Variants in SOX5 observed in about 807,000 individuals in gnomAD.
SOX5 encodes SRY-box transcription factor 5, also known as transcription factor SOX-5.
A neutral mutation model predicts 92.0 loss-of-function variants in SOX5; 9 were observed. The observed-to-expected ratio is 0.10, with a 90% CI of 0.06 to 0.17. SOX5 has a LOEUF of 0.17. Ranked by LOEUF, SOX5 falls within the 10% of genes least tolerant of loss-of-function variation. SOX5 has a pLI of 1.00. For synonymous variants in SOX5, 344 were observed against 336.3 expected, an observed-to-expected ratio of 1.02 and a Z score of -0.25; for missense variants, 642 against 944.5, an observed-to-expected ratio of 0.68 and a Z score of 4.20.
chr12:23,540,095 T>TA (rs5797022), intron 13 of SOX5, among the ~76,000 whole-genome samples: 52,156 of 139,354 alleles, frequency 0.37, 10,184 homozygotes, highest in East Asian at 0.61. Flanking sequence ...TAAACAACAA[T>TA]AAAAAAAAAA....
At chr12:23,880,643 T>C (rs995816889) in intron 2 of SOX5, among the ~76,000 whole-genome samples, 2 of 152,160 alleles carry the variant, frequency 1.3e-5, no homozygotes, top group African/African-American at 4.8e-5. Flanking sequence ...TGGTAAACTT[T>C]GGGGAAAAGC....
chr12:24,360,862 C>G (rs1955471021), intron 2 of SOX5, among the ~76,000 whole-genome samples: 1 of 152,174 alleles, frequency 6.6e-6, no homozygotes, highest in South Asian at 2.1e-4. Flanking sequence ...ATTGTTTATA[C>G]ATTTATCAAA....
chr12:24,196,328 A>G (rs1323054498), intron 4 of SOX5, among the ~76,000 whole-genome samples: 2 of 152,256 alleles, frequency 1.3e-5, no homozygotes, highest in Admixed American at 1.3e-4. Context: ...TGACATGATA[A>G]AACAGTAACA....
At chr12:23,938,413 C>T (rs570714680) in intron 1 of SOX5, among the ~76,000 whole-genome samples, 1 of 151,014 alleles carries the variant, frequency 6.6e-6, no homozygotes, top group East Asian at 1.9e-4. Flanking sequence ...ATAATTGTGT[C>T]AAGTTATTTA....
intron 1 of SOX5, among the ~76,000 whole-genome samples, chr12:24,378,018 C>T (rs1264944906): frequency 6.6e-6 from 1 of 152,226 alleles, no homozygotes; most frequent in Non-Finnish European, 1.5e-5. Context: ...CGCCTAAGCA[C>T]ACCATGGAAA....
At chr12:23,536,912 A>G (rs1024280267) in intron 13 of SOX5, among the ~76,000 whole-genome samples, 1 of 151,916 alleles carries the variant, frequency 6.6e-6, no homozygotes, top group African/African-American at 2.4e-5. Context: ...CTTTTGTATT[A>G]TGTCCCTTAA....
At chr12:24,103,029 C>G (rs11047259) in intron 4 of SOX5, among the ~76,000 whole-genome samples, 12,775 of 152,170 alleles carry the variant, frequency 0.084, 722 homozygotes, top group African/African-American at 0.15. Flanking sequence ...AACATAGGAA[C>G]GGTGAGGATG....
chr12:23,887,762 T>C (rs1378077569), intron 2 of SOX5, among the ~76,000 whole-genome samples: 3 of 152,220 alleles, frequency 2.0e-5, no homozygotes, highest in Non-Finnish European at 4.4e-5. Flanking sequence ...AGCTTCATAG[T>C]ACATTTTGTG....
chr12:24,317,072 G>A (rs1257406509), intron 2 of SOX5, among the ~76,000 whole-genome samples: 1 of 152,178 alleles, frequency 6.6e-6, no homozygotes, highest in African/African-American at 2.4e-5. Flanking sequence ...ACCTCAATGT[G>A]TCATGGAGGA....
At chr12:23,995,734 C>G (rs1248682401) in intron 4 of SOX5, among the ~76,000 whole-genome samples, 2 of 152,108 alleles carry the variant, frequency 1.3e-5, no homozygotes, top group Non-Finnish European at 2.9e-5. Flanking sequence ...AGGGATCCAA[C>G]TTTATTTTAG....
At chr12:24,321,713 A>C (rs998125397) in intron 2 of SOX5, among the ~76,000 whole-genome samples, 4 of 152,314 alleles carry the variant, frequency 2.6e-5, no homozygotes, top group African/African-American at 9.6e-5. Context: ...TTAATATTTT[A>C]AGGTTGCATT....
chr12:24,095,750 T>C (rs1945330298), intron 4 of SOX5, among the ~76,000 whole-genome samples: 1 of 152,054 alleles, frequency 6.6e-6, no homozygotes, highest in Admixed American at 6.6e-5. Flanking sequence ...CCCATGCTGT[T>C]CTTGTGATAG....
chr12:24,441,276 G>T (rs1940529041), intron 1 of SOX5, among the ~76,000 whole-genome samples: 1 of 152,128 alleles, frequency 6.6e-6, no homozygotes, highest in African/African-American at 2.4e-5. Flanking sequence ...GTGCAATAAT[G>T]GGCCCCGTCC....
intron 6 of SOX5, among the ~76,000 whole-genome samples, chr12:23,703,727 G>GACACACACACACACAC (rs61366137): frequency 4.2e-4 from 63 of 148,820 alleles, no homozygotes; most frequent in African/African-American, 1.4e-3. Flanking sequence ...TTTCTCAGGG[G>GACACACACACACACAC]ACACACACAC....
rs540753240 is a variant in SOX5 at position 23,846,591 on chromosome 12, TATTAA to T, written c.271-403_271-399del. Reference sequence around the variant, plus strand: ...TGAGAGCCTCAGATTTTCTTATGGGTATTAAATGTAGTGATCATTTGTGTTAAACT... The same window carrying T: ...TGAGAGCCTCAGATTTTCTTATGGGTATGTAGTGATCATTTGTGTTAAACT... On this transcript the variant is annotated intron_variant, in intron 2 of 14. Coordinates refer to ENST00000451604, the MANE Select transcript of SOX5 (RefSeq NM_006940.6). Among the ~76,000 whole-genome samples the T allele has an allele frequency of 3.5e-3, 539 of 152,328 alleles. 4 individuals carry two copies. The highest frequency in any genetic ancestry group is 0.012 in the African/African-American group (519 of 41,588).
intron 1 of SOX5, among the ~76,000 whole-genome samples, chr12:24,465,668 G>GTC (rs1944148817): frequency 1.3e-5 from 2 of 152,182 alleles, no homozygotes; most frequent in Admixed American, 6.5e-5. Flanking sequence ...TCTCAGAAGT[G>GTC]AAGGAAAACC....
intron 6 of SOX5, among the ~76,000 whole-genome samples, chr12:23,697,020 C>T (rs1016423768): frequency 1.3e-5 from 2 of 152,058 alleles, no homozygotes. Context: ...GTGTAATCTG[C>T]TTGCTAAATA....
chr12:23,750,614 C>A (rs531777105), intron 4 of SOX5, among the ~76,000 whole-genome samples: 9 of 151,770 alleles, frequency 5.9e-5, no homozygotes, highest in South Asian at 2.1e-4. Flanking sequence ...ATTTTAGAAT[C>A]TTTATGCTTC....
intron 3 of SOX5, among the ~76,000 whole-genome samples, chr12:24,272,350 C>T (rs1241674251): frequency 1.3e-5 from 2 of 151,992 alleles, no homozygotes; most frequent in Non-Finnish European, 2.9e-5. Context: ...CTTTTTCAAC[C>T]CTAATAACTT....
Sources: allele counts gnomAD v4.1 joint callset (sites outside exome capture counted in the v4.1 genomes callset), GRCh38; gene constraint gnomAD v4.1.1; transcripts MANE v1.5; gene names NCBI Gene and HGNC (gene_info 2026-07-23, HGNC 2026-07-21).